The following ASIC2 variants were observed in gnomAD, a reference collection of about 807,000 sequenced individuals.
ASIC2 encodes the protein acid-sensing ion channel 2.
Under a neutral mutation model 57.3 loss-of-function variants are expected in ASIC2, and 25 were observed. That is an observed-to-expected ratio of 0.44 (90% CI 0.32 to 0.61). ASIC2 has a LOEUF of 0.61. Ranked by LOEUF, ASIC2 falls within the 20% of genes least tolerant of loss-of-function variation. ASIC2 has a pLI of 0.06. For missense variants in ASIC2, 641 were observed against 738.1 expected (o/e 0.87, Z 1.52); for synonymous variants, 319 against 307.5 (o/e 1.04, Z -0.39).
intron 1 of ASIC2, among the ~76,000 whole-genome samples, chr17:33,413,362 CATCA>C (rs554197453): frequency 6.6e-4 from 101 of 152,294 alleles, no homozygotes; most frequent in African/African-American, 2.4e-3. Flanking sequence ...AATGAGTAAC[CATCA>C]ATCAATCAAC....
intron 1 of ASIC2, among the ~76,000 whole-genome samples, chr17:33,354,117 G>A: frequency 6.6e-6 from 1 of 152,160 alleles, no homozygotes; most frequent in East Asian, 1.9e-4. Flanking sequence ...TCACTATCAT[G>A]AGAACATCAT....
intron 1 of ASIC2, among the ~76,000 whole-genome samples, chr17:33,740,127 T>G (rs1314017455): frequency 6.6e-6 from 1 of 152,168 alleles, no homozygotes; most frequent in Non-Finnish European, 1.5e-5. Context: ...GTACAATATA[T>G]GCCTTGAAGA....
At chr17:33,972,636 GT>G (rs1905254279) in intron 1 of ASIC2, among the ~76,000 whole-genome samples, 2 of 152,172 alleles carry the variant, frequency 1.3e-5, no homozygotes, top group African/African-American at 2.4e-5. Flanking sequence ...TCAAGCTAAG[GT>G]GTGAAAAGCT....
intron 1 of ASIC2, among the ~76,000 whole-genome samples, chr17:33,877,390 G>A (rs1914575964): frequency 6.6e-6 from 1 of 152,178 alleles, no homozygotes; most frequent in African/African-American, 2.4e-5. Context: ...GGTGACAGAC[G>A]GCAACTGGAA....
intron 1 of ASIC2, among the ~76,000 whole-genome samples, chr17:34,102,630 CAT>C (rs1275190154): frequency 6.6e-6 from 1 of 152,100 alleles, no homozygotes; most frequent in Non-Finnish European, 1.5e-5. Context: ...GAGATTTACC[CAT>C]GTTATTCCAT....
chr17:33,514,016 G>A (rs115515981), intron 1 of ASIC2, among the ~76,000 whole-genome samples: 345 of 152,306 alleles, frequency 2.3e-3, no homozygotes, highest in African/African-American at 7.8e-3. Flanking sequence ...ACACACTGCT[G>A]GGGGCATGAC....
intron 1 of ASIC2, among the ~76,000 whole-genome samples, chr17:33,487,423 G>A (rs962876798): frequency 6.6e-6 from 1 of 152,192 alleles, no homozygotes; most frequent in Admixed American, 6.5e-5. Flanking sequence ...TGGAGTCAGA[G>A]GATCTGACTT....
chr17:33,297,630 C>A (rs1905770094), upstream of ASIC2, among the ~76,000 whole-genome samples: 1 of 151,956 alleles, frequency 6.6e-6, no homozygotes, highest in African/African-American at 2.4e-5. Context: ...TGAGACCAGC[C>A]TGGGCAACAT....
At chr17:33,506,127 G>A (rs948462506) in intron 1 of ASIC2, among the ~76,000 whole-genome samples, 7 of 151,806 alleles carry the variant, frequency 4.6e-5, no homozygotes, top group Non-Finnish European at 1.0e-4. Flanking sequence ...GGGTGTGGTG[G>A]CTCACGCCTG....
chr17:33,102,490 G>A (rs1213053014), intron 2 of ASIC2, among the ~76,000 whole-genome samples: 1 of 152,184 alleles, frequency 6.6e-6, no homozygotes, highest in Non-Finnish European at 1.5e-5. Context: ...ACAGGAGTTG[G>A]TGAGCTTTTT....
chr17:33,561,271 C>T (rs914111341), intron 1 of ASIC2, among the ~76,000 whole-genome samples: 3 of 152,102 alleles, frequency 2.0e-5, no homozygotes, highest in Non-Finnish European at 4.4e-5. Context: ...TCCTGGAGTC[C>T]GGAAGGCACA....
intron 1 of ASIC2, among the ~76,000 whole-genome samples, chr17:33,282,858 T>C (rs993240786): frequency 2.0e-5 from 3 of 152,208 alleles, no homozygotes; most frequent in African/African-American, 7.2e-5. Flanking sequence ...TAAGGACCCA[T>C]GATTACACTG....
At chr17:33,041,020 G>T (rs1193963986) in intron 3 of ASIC2, among the ~76,000 whole-genome samples, 2 of 152,102 alleles carry the variant, frequency 1.3e-5, no homozygotes, top group Admixed American at 1.3e-4. Context: ...AGTAAAACAG[G>T]GTACTTGCTC....
intron 1 of ASIC2, among the ~76,000 whole-genome samples, chr17:34,095,236 C>G (rs1432342629): frequency 6.6e-6 from 1 of 152,126 alleles, no homozygotes; most frequent in African/African-American, 2.4e-5. Context: ...GAACAGAGCT[C>G]TGGAGCCCCA....
At chr17:33,624,686 T>G (rs1239539777) in intron 1 of ASIC2, among the ~76,000 whole-genome samples, 1 of 152,260 alleles carries the variant, frequency 6.6e-6, no homozygotes, top group East Asian at 1.9e-4. Flanking sequence ...CTCTTTTGGC[T>G]TAATTCACAT....
At chr17:34,127,251 C>CA (rs1480416020) in intron 1 of ASIC2, among the ~76,000 whole-genome samples, 1 of 152,188 alleles carries the variant, frequency 6.6e-6, no homozygotes, top group Non-Finnish European at 1.5e-5. Flanking sequence ...GACTTCCTAT[C>CA]ACAAGATCTG....
chr17:33,212,479 T>C (rs1437762649), intron 1 of ASIC2, among the ~76,000 whole-genome samples: 1 of 152,222 alleles, frequency 6.6e-6, no homozygotes, highest in Non-Finnish European at 1.5e-5. Flanking sequence ...ACACCTTGAT[T>C]TGAGCCCTGC....
chr17:33,742,838 G>C (rs771105480), intron 1 of ASIC2, among the ~76,000 whole-genome samples: 1 of 152,190 alleles, frequency 6.6e-6, no homozygotes, highest in Non-Finnish European at 1.5e-5. Context: ...ACCGTTCCTG[G>C]GTGCAGGGTG....
intron 1 of ASIC2, among the ~76,000 whole-genome samples, chr17:33,460,554 A>G (rs767361404): frequency 2.6e-5 from 4 of 152,254 alleles, no homozygotes; most frequent in Non-Finnish European, 4.4e-5. Flanking sequence ...GGAAGTTTGC[A>G]TAATCCTATC....
Sources: gnomAD v4.1 joint callset for allele counts (sites outside exome capture counted in the v4.1 genomes callset) on GRCh38, gnomAD v4.1.1 for gene constraint, MANE v1.5 for transcripts, NCBI Gene and HGNC (gene_info 2026-07-23, HGNC 2026-07-21) for gene names.